Variants in COX16 observed in about 807,000 individuals in gnomAD.
COX16 encodes cytochrome c oxidase assembly protein COX16 homolog, mitochondrial.
In COX16, 12 loss-of-function variants were observed where a neutral mutation model predicts 15.4. The ratio of observed to expected loss-of-function variants is 0.78; its 90% CI spans 0.50 to 1.26. The LOEUF is 1.26. Ranked by LOEUF, COX16 falls within the 50% of genes most tolerant of loss-of-function variation. COX16 has a pLI of 0.00. For synonymous variants in COX16, 46 were observed against 41.1 expected, an observed-to-expected ratio of 1.12 and a Z score of -0.46; for missense variants, 124 against 127.6, an observed-to-expected ratio of 0.97 and a Z score of 0.14.
chr14:70,327,277 G>T (rs1006330272), intron 3 of COX16, among the ~76,000 whole-genome samples: 1 of 152,020 alleles, frequency 6.6e-6, no homozygotes, highest in South Asian at 2.1e-4. Flanking sequence ...ATAACCTTTG[G>T]AAAGTAATTT....
At chr14:70,348,574 T>TCA (rs1200234610) in intron 1 of COX16, among the ~76,000 whole-genome samples, 1 of 152,000 alleles carries the variant, frequency 6.6e-6, no homozygotes, top group South Asian at 2.1e-4. Flanking sequence ...TGTCACCCCC[T>TCA]CACACACACT....
chr14:70,336,923 A>G (rs11846216), intron 2 of COX16, among the ~76,000 whole-genome samples: 11,175 of 152,266 alleles, frequency 0.073, 466 homozygotes, highest in Middle Eastern at 0.12. Flanking sequence ...AAAAAATGCT[A>G]TTACTGCAGT....
chr14:70,338,001 TAAAG>T (rs1308313624), intron 2 of COX16, among the ~76,000 whole-genome samples: 11 of 152,218 alleles, frequency 7.2e-5, no homozygotes, highest in Admixed American at 7.2e-4. Flanking sequence ...TGGTATCCCA[TAAAG>T]AAAACTCGGC....
chr14:70,348,729 C>T (rs557347305), intron 1 of COX16, among the ~76,000 whole-genome samples: 1 of 152,254 alleles, frequency 6.6e-6, no homozygotes, highest in African/African-American at 2.4e-5. Flanking sequence ...CACTCACACT[C>T]GTCTATGTGG....
intron 1 of COX16, among the ~76,000 whole-genome samples, chr14:70,343,033 G>GT (rs1021732817): frequency 2.0e-5 from 3 of 151,804 alleles, no homozygotes; most frequent in East Asian, 3.9e-4. Context: ...ACCTATTTTT[G>GT]TTTTTTGCTA....
At chr14:70,354,841 C>CGTGCGTGTGT (rs144038416) in intron 1 of COX16, among the ~76,000 whole-genome samples, 1 of 148,880 alleles carries the variant, frequency 6.7e-6, no homozygotes, top group East Asian at 2.0e-4. Flanking sequence ...TGTGTGTGTG[C>CGTGCGTGTGT]GTGTGTGTGT....
At chr14:70,337,395 T>C (rs1270253011) in intron 2 of COX16, among the ~76,000 whole-genome samples, 1 of 152,112 alleles carries the variant, frequency 6.6e-6, no homozygotes, top group Non-Finnish European at 1.5e-5. Context: ...AGCCTAAGTC[T>C]TAATTAACTG....
intron 1 of COX16, among the ~76,000 whole-genome samples, chr14:70,357,813 A>G (rs527718412): frequency 6.6e-6 from 1 of 152,360 alleles, no homozygotes; most frequent in African/African-American, 2.4e-5. Context: ...AAAATGATGC[A>G]GCCACTTTGG....
At chr14:70,340,169 G>A (rs1366335995) in intron 2 of COX16, among the ~76,000 whole-genome samples, 1 of 152,142 alleles carries the variant, frequency 6.6e-6, no homozygotes, top group Non-Finnish European at 1.5e-5. Context: ...CCCCATGCTA[G>A]TCTCATGATA....
At chr14:70,352,635 C>CTT (rs869290362) in intron 1 of COX16, among the ~76,000 whole-genome samples, 1 of 118,818 alleles carries the variant, frequency 8.4e-6, no homozygotes, top group Non-Finnish European at 1.7e-5. Context: ...AAATATATTT[C>CTT]TTTTTTTTTC....
chr14:70,333,042 C>G (rs1186405180), intron 2 of COX16, among the ~76,000 whole-genome samples: 1 of 152,216 alleles, frequency 6.6e-6, no homozygotes, highest in Non-Finnish European at 1.5e-5. Context: ...CAGGTGGACA[C>G]AGGCTCAGGG....
intron 1 of COX16, among the ~76,000 whole-genome samples, chr14:70,351,329 A>G (rs1886947982): frequency 1.3e-5 from 2 of 150,804 alleles, no homozygotes; most frequent in Non-Finnish European, 3.0e-5. Context: ...CTGCATTAAT[A>G]TTTTATTAAT....
In COX16 at chr14:70,325,224, A is replaced by G. The variant is rs894043542; in HGVS notation, c.*1109T>C. ...TGGAGACTTTAGGCAACTAGAACTC[A>G]GCATGAAACCAGAAGGTAGAAGCTG... On this transcript the variant is annotated 3_prime_UTR_variant, in exon 4 of 4. Coordinates refer to ENST00000389912, the MANE Select transcript of COX16 (RefSeq NM_016468.7). The G allele has an allele frequency of 3.3e-5, 5 of 152,242 alleles. No homozygotes were observed. The highest frequency in any genetic ancestry group is 7.3e-5 in the Non-Finnish European group (5 of 68,044). The allele number at this position is 152,242 out of a possible 1,614,324, so 9.4% of individuals were successfully genotyped here. A position where few individuals can be genotyped will look rare whatever the true frequency, so the allele number is the denominator to read the frequency against.
At chr14:70,353,000 T>C (rs12433355) in intron 1 of COX16, among the ~76,000 whole-genome samples, 64,721 of 151,940 alleles carry the variant, frequency 0.43, 14,712 homozygotes, top group South Asian at 0.54. Context: ...ATTAGTTTCA[T>C]GCCTGTAATC....
At chr14:70,329,070 C>A in intron 3 of COX16, 104 bp downstream of exon 3, 3 of 986,760 alleles carry the variant, frequency 3.0e-6, no homozygotes, top group Non-Finnish European at 2.8e-6. Flanking sequence ...TATCAAATAC[C>A]ATATATATTC....
chr14:70,346,489 A>G (rs537697169), intron 1 of COX16, among the ~76,000 whole-genome samples: 12 of 152,276 alleles, frequency 7.9e-5, no homozygotes, highest in African/African-American at 2.6e-4. Context: ...GAGGACCCCA[A>G]TGGAAATTGG....
intron 1 of COX16, among the ~76,000 whole-genome samples, chr14:70,351,511 A>T (rs1366734842): frequency 6.6e-6 from 1 of 152,222 alleles, no homozygotes; most frequent in Non-Finnish European, 1.5e-5. Context: ...GCTAGATTTT[A>T]TTGCATTCAC....
intron 1 of COX16, among the ~76,000 whole-genome samples, chr14:70,345,830 C>T (rs1195688649): frequency 2.0e-5 from 3 of 151,950 alleles, no homozygotes; most frequent in East Asian, 1.9e-4. Flanking sequence ...TTTTCTCGTT[C>T]GATCCAACTG....
At chr14:70,359,256 G>A in intron 1 of COX16, 1 of 581,394 alleles carries the variant, frequency 1.7e-6, no homozygotes, top group South Asian at 1.5e-5. Flanking sequence ...CGCGTTCGAC[G>A]ATGGGAAAGA....
Sources: gnomAD v4.1 joint callset for allele counts (sites outside exome capture counted in the v4.1 genomes callset) on GRCh38, gnomAD v4.1.1 for gene constraint, MANE v1.5 for transcripts, NCBI Gene and HGNC (gene_info 2026-07-23, HGNC 2026-07-21) for gene names.